The following CEP128 variants were observed in gnomAD, a reference collection of about 807,000 sequenced individuals.
CEP128 encodes the protein centrosomal protein 128, also known as centrosomal protein 128kDa.
In CEP128, 132 loss-of-function variants were observed where a neutral mutation model predicts 156.7. The ratio of observed to expected loss-of-function variants is 0.84; its 90% confidence interval spans 0.73 to 0.97. The LOEUF (loss-of-function observed/expected upper bound fraction) is 0.97, where lower values mean the gene tolerates loss of function less well. CEP128 is among the 50% of genes least tolerant of loss of function. The pLI is 0.00. For synonymous variants in CEP128, 469 were observed against 448.9 expected (o/e 1.04, Z -0.57); for missense variants, 1,252 against 1,281.9 (o/e 0.98, Z 0.36).
intron 9 of CEP128, among the ~76,000 whole-genome samples, chr14:80,844,503 G>T (rs2140096171): frequency 6.6e-6 from 1 of 152,090 alleles, no homozygotes; most frequent in African/African-American, 2.4e-5. Flanking sequence ...CAAAAAACTT[G>T]GTATGAATTG....
chr14:80,553,939 G>C (rs1890320841), intron 21 of CEP128, among the ~76,000 whole-genome samples: 1 of 152,088 alleles, frequency 6.6e-6, no homozygotes, highest in Non-Finnish European at 1.5e-5. Context: ...CTTTGTTCCT[G>C]GTCATAGAGG....
chr14:80,495,226 G>T (rs879084638), downstream of CEP128, among the ~76,000 whole-genome samples: 2 of 152,146 alleles, frequency 1.3e-5, no homozygotes, highest in Admixed American at 1.3e-4. Flanking sequence ...CCTGCCAAAG[G>T]GGTGAGTAAA....
chr14:80,534,707 C>T (rs1889400945), intron 21 of CEP128, among the ~76,000 whole-genome samples: 1 of 151,668 alleles, frequency 6.6e-6, no homozygotes, highest in African/African-American at 2.4e-5. Context: ...CACCTGTAGT[C>T]CCAGCTACTT....
Position 80,526,925 on chromosome 14 carries a change from T to C in CEP128, c.3016A>G (p.Arg1006Gly), listed in dbSNP as rs1325056225. 6.2e-7 allele frequency: 1 copy of C among 1,611,470 alleles called. No individual in the cohort carries two copies. The highest frequency in any genetic ancestry group is 8.5e-7 in the Non-Finnish European group (1 of 1,178,874). Residue 1006 changes from arginine (R) to glycine (G), a missense_variant, in exon 23 of 25, where the codon AGA becomes GGA. Arg to Gly is a moderately radical substitution (Grantham distance 125). Coordinates refer to ENST00000555265, the MANE Select transcript of CEP128 (RefSeq NM_152446.5). ...DGRYSKYRVR[R>G]NSLQHHQDDT... ...TCTTGGTGATGCTGAAGAGAATTTC[T>C]GCGAACCCTGTATTTGGAATATCTT...
chr14:80,862,639 GATATTA>G, intron 9 of CEP128, 112 bp downstream of exon 9: 2 of 708,324 alleles, frequency 2.8e-6, no homozygotes, highest in Non-Finnish European at 2.5e-6. Context: ...ACCAATATGT[GATATTA>G]ATACTTCTCA....
At chr14:80,794,327 T>C (rs1198667403) in intron 13 of CEP128, among the ~76,000 whole-genome samples, 2 of 152,184 alleles carry the variant, frequency 1.3e-5, no homozygotes, top group Non-Finnish European at 2.9e-5. Flanking sequence ...ATGGCAAACA[T>C]TTTTTTAAAT....
At chr14:80,910,901 G>T (rs1038750779) in intron 4 of CEP128, among the ~76,000 whole-genome samples, 1 of 152,192 alleles carries the variant, frequency 6.6e-6, no homozygotes, top group Non-Finnish European at 1.5e-5. Context: ...ACAAGAAGAT[G>T]TAGGAAACCA....
intron 19 of CEP128, among the ~76,000 whole-genome samples, chr14:80,599,359 G>T (rs1351336366): frequency 7.1e-6 from 1 of 140,196 alleles, no homozygotes; most frequent in African/African-American, 2.7e-5. Context: ...CGCAAGCTCT[G>T]CCTCCCAGGT....
At chr14:80,817,758 G>A (rs1359102779) in intron 13 of CEP128, among the ~76,000 whole-genome samples, 2 of 152,044 alleles carry the variant, frequency 1.3e-5, no homozygotes, top group Non-Finnish European at 2.9e-5. Context: ...GCACGCGCCT[G>A]TAGTCCTGGC....
Position 80,895,174 on chromosome 14 carries a change from G to A in CEP128, c.645+544C>T, listed in dbSNP as rs371352255. 1.2e-4 allele frequency among the ~76,000 whole-genome samples: 19 copies of A among 152,036 alleles called. No individual in the cohort carries two copies. In the South Asian group the frequency reaches 3.9e-3, roughly 32 times the overall value. ...AGTGATTTAATAAAAATAAATCACT[G>A]AACAGTGAGTGTCAACAATATGACT... On this transcript the variant is annotated intron_variant, in intron 8 of 24. Coordinates refer to ENST00000555265, the MANE Select transcript of CEP128 (RefSeq NM_152446.5).
intron 23 of CEP128, among the ~76,000 whole-genome samples, chr14:80,517,477 A>T (rs889275315): frequency 1.6e-4 from 24 of 152,352 alleles, no homozygotes; most frequent in African/African-American, 5.5e-4. Context: ...ATTTCTTGAC[A>T]TATCCATGGA....
At chr14:80,584,584 A>T (rs1891734221) in intron 19 of CEP128, among the ~76,000 whole-genome samples, 1 of 152,202 alleles carries the variant, frequency 6.6e-6, no homozygotes, top group East Asian at 1.9e-4. Flanking sequence ...TTGTTCAAGC[A>T]CATGCATTTG....
intron 18 of CEP128, among the ~76,000 whole-genome samples, chr14:80,745,738 G>A (rs1162740228): frequency 6.6e-6 from 1 of 151,968 alleles, no homozygotes; most frequent in Admixed American, 6.6e-5. Context: ...CATTGTATTA[G>A]AGGGTTATGA....
intron 2 of CEP128, among the ~76,000 whole-genome samples, chr14:80,928,927 T>A (rs1885293160): frequency 6.6e-6 from 1 of 151,726 alleles, no homozygotes; most frequent in African/African-American, 2.4e-5. Context: ...GAAATAATCA[T>A]CAGAGCAAAC....
At chr14:80,555,271 G>A (rs1047214313) in intron 21 of CEP128, among the ~76,000 whole-genome samples, 1 of 152,054 alleles carries the variant, frequency 6.6e-6, no homozygotes, top group Non-Finnish European at 1.5e-5. Context: ...ATCTGTCTGG[G>A]CTTCCTGATT....
At chr14:80,816,118 ATACT>A (rs1316937270) in intron 13 of CEP128, among the ~76,000 whole-genome samples, 4 of 152,204 alleles carry the variant, frequency 2.6e-5, no homozygotes, top group African/African-American at 9.6e-5. Context: ...TTTTAAAGAA[ATACT>A]TATTTAAGAC....
chr14:80,489,408 C>G (rs930943835), downstream of CEP128, among the ~76,000 whole-genome samples: 10 of 151,900 alleles, frequency 6.6e-5, no homozygotes, highest in African/African-American at 1.5e-4. Flanking sequence ...CCCTTCTGAA[C>G]ACTCTCTATG....
chr14:80,629,656 TC>T (rs1893882954), intron 19 of CEP128, among the ~76,000 whole-genome samples: 1 of 151,918 alleles, frequency 6.6e-6, no homozygotes, highest in Admixed American at 6.6e-5. Context: ...AGGTGTAGTC[TC>T]TATAGGCCTA....
At chr14:80,883,438 A>G (rs550443829) in intron 8 of CEP128, among the ~76,000 whole-genome samples, 1 of 152,284 alleles carries the variant, frequency 6.6e-6, no homozygotes, top group East Asian at 1.9e-4. Flanking sequence ...TAGCATTTCT[A>G]TATGTCAACA....
Sources: gnomAD v4.1 joint callset for allele counts (sites outside exome capture counted in the v4.1 genomes callset) on GRCh38, gnomAD v4.1.1 for gene constraint, MANE v1.5 for transcripts, NCBI Gene and HGNC (gene_info 2026-07-23, HGNC 2026-07-21) for gene names.